NOL4: variants seen among roughly 807,000 people sequenced by gnomAD.
NOL4 encodes the protein nucleolar protein 4.
In NOL4, 17 loss-of-function variants were observed where a neutral mutation model predicts 75.9. The ratio of observed to expected loss-of-function variants is 0.22; its 90% CI spans 0.15 to 0.34. NOL4 has a LOEUF of 0.34. NOL4 is among the 10% of genes least tolerant of loss of function. The probability of loss-of-function intolerance (pLI) is 1.00; values close to 1 mark genes in which losing one functional copy is unlikely to be tolerated. For synonymous variants in NOL4, 292 were observed against 289.9 expected, an observed-to-expected ratio of 1.01 and a Z score of -0.07; for missense variants, 614 against 793.5, an observed-to-expected ratio of 0.77 and a Z score of 2.72.
Position 33,958,428 on chromosome 18 carries a change from G to C in NOL4, c.1057-10C>G. ...AACTATGTGCAGGAGACTGAAAAGA[G>C]AAGGTGAAATAACTGCTTTTAAATT... On this transcript the variant is annotated splice_polypyrimidine_tract_variant and intron_variant, in intron 6 of 10. Coordinates refer to ENST00000261592, the MANE Select transcript of NOL4 (RefSeq NM_003787.5). 6.3e-7 allele frequency: 1 copy of C among 1,588,436 alleles called. No homozygotes were observed. The highest frequency in any genetic ancestry group is 8.6e-7 in the Non-Finnish European group (1 of 1,166,176).
rs1225758505 is a variant in NOL4 at position 34,223,117 on chromosome 18, C to T, written c.137G>A (p.Ser46Asn). 1 of 1,614,196 alleles carries T rather than the reference C, an allele frequency of 6.2e-7. No homozygotes were observed. Among genetic ancestry groups the T allele is most frequent in the South Asian group, 1.1e-5 (1 of 91,086 alleles). Residue 46 changes from serine (S) to asparagine (N), a missense_variant, in exon 1 of 11, where the codon AGC becomes AAC. Ser to Asn is a conservative substitution (Grantham distance 46). This residue lies in a region of NOL4 where 35 missense variants were observed against 29.2 expected (regional missense o/e 1.20). Transcript: ENST00000261592. ...IVQLLNGSES[S>N]STDNAKFKFW... ...TTTAAATTTGGCGTTGTCCGTGGAG[C>T]TCGACTCGGAGCCATTGAGGAGCTG...
Position 33,939,741 on chromosome 18 carries a change from T to C in NOL4, c.1542+3324A>G, listed in dbSNP as rs572048560. On this transcript the variant is annotated intron_variant, in intron 9 of 10. Coordinates refer to ENST00000261592, the MANE Select transcript of NOL4 (RefSeq NM_003787.5). Reference sequence around the variant, plus strand: ...CAAAGAGACAATTTGACTTCCTCTCTTCCTATTTAAATACCCTTTCTTTCT... The same window carrying C: ...CAAAGAGACAATTTGACTTCCTCTCCTCCTATTTAAATACCCTTTCTTTCT... Among the ~76,000 whole-genome samples the C allele has an allele frequency of 3.9e-5, 6 of 152,252 alleles. No individual in the cohort carries two copies. The South Asian group carries it at 1.2e-3, about 32-fold the overall frequency.
intron 6 of NOL4, among the ~76,000 whole-genome samples, chr18:33,997,502 T>A (rs2073383544): frequency 0.01 from 1 of 96 alleles, no homozygotes; most frequent in South Asian, 0.25. Flanking sequence ...GGTGGGGTAA[T>A]GTGATCGTCT....
At chr18:33,958,454 C>A in intron 6 of NOL4, 36 bp from the exon 7 acceptor site, 2 of 1,541,892 alleles carry the variant, frequency 1.3e-6, no homozygotes, top group South Asian at 2.4e-5. Flanking sequence ...CTTTTAAATT[C>A]ATTGCACAAG....
chr18:34,218,530 C>T (rs1158905509), intron 1 of NOL4, among the ~76,000 whole-genome samples: 1 of 152,202 alleles, frequency 6.6e-6, no homozygotes, highest in Admixed American at 6.5e-5. Context: ...CTACTGGTCC[C>T]CACTGTTCCC....
intron 9 of NOL4, among the ~76,000 whole-genome samples, chr18:33,933,539 C>T (rs567475631): frequency 1.3e-5 from 2 of 152,218 alleles, no homozygotes; most frequent in South Asian, 4.1e-4. Flanking sequence ...TGTTTAATCA[C>T]CTTAGTTTAT....
chr18:34,049,747 T>C (rs1338165093), intron 5 of NOL4, among the ~76,000 whole-genome samples: 1 of 152,142 alleles, frequency 6.6e-6, no homozygotes, highest in East Asian at 1.9e-4. Context: ...TTCTCCTTTG[T>C]GGCTGAAGCA....
chr18:34,060,122 G>A (rs1218073164), intron 5 of NOL4, among the ~76,000 whole-genome samples: 1 of 152,088 alleles, frequency 6.6e-6, no homozygotes, highest in East Asian at 1.9e-4. Flanking sequence ...GCTTTTGGAT[G>A]GTTATTTTTA....
chr18:33,851,135 C>CA lies in NOL4; in HGVS notation c.*1706dup, dbSNP rs1220279720. The CA allele has an allele frequency of 6.6e-6, 1 of 152,310 alleles. No individual in the cohort carries two copies. The highest frequency in any genetic ancestry group is 1.5e-5 in the Non-Finnish European group (1 of 67,932). 9.4% of individuals were successfully genotyped at this position (152,310 alleles called of 1,614,324 possible). ...ACAGAAATCTGTTTATTAAACCAAA[C>CA]AAAACAGAGAAAATTATACCAGCCC... On this transcript the variant is annotated 3_prime_UTR_variant, in exon 11 of 11. Coordinates refer to ENST00000261592, the MANE Select transcript of NOL4 (RefSeq NM_003787.5).
At chr18:34,022,411 A>G (rs1376413973) in intron 5 of NOL4, among the ~76,000 whole-genome samples, 6 of 152,072 alleles carry the variant, frequency 3.9e-5, no homozygotes, top group Non-Finnish European at 7.4e-5. Flanking sequence ...TTCCATAGGT[A>G]TTAATCCAGG....
chr18:34,152,026 A>G (rs2081662837), intron 1 of NOL4, among the ~76,000 whole-genome samples: 1 of 151,944 alleles, frequency 6.6e-6, no homozygotes, highest in African/African-American at 2.4e-5. Context: ...ATTAAATTAA[A>G]ATATAATAAC....
At chr18:33,972,848 C>T (rs150160600) in intron 6 of NOL4, among the ~76,000 whole-genome samples, 695 of 152,302 alleles carry the variant, frequency 4.6e-3, no homozygotes, top group Non-Finnish European at 8.0e-3. Context: ...AATCATTGGA[C>T]CCTTCAGTAA....
At chr18:33,987,939 C>T (rs975361373) in intron 6 of NOL4, among the ~76,000 whole-genome samples, 3 of 152,030 alleles carry the variant, frequency 2.0e-5, no homozygotes, top group African/African-American at 7.2e-5. Context: ...GCACCCTCCC[C>T]ACTCCACATA....
chr18:34,130,170 T>C (rs1308975630), intron 1 of NOL4, 150 bp from the exon 2 acceptor site: 1 of 661,050 alleles, frequency 1.5e-6, no homozygotes, highest in East Asian at 3.3e-5. Flanking sequence ...AATATTTCAA[T>C]ATTTTATGCA....
chr18:34,213,071 G>T (rs779443763), intron 1 of NOL4, among the ~76,000 whole-genome samples: 1 of 152,052 alleles, frequency 6.6e-6, no homozygotes, highest in Non-Finnish European at 1.5e-5. Flanking sequence ...TACAAGGGTG[G>T]GGGCCATCTG....
intron 9 of NOL4, among the ~76,000 whole-genome samples, chr18:33,883,683 C>T (rs1006618527): frequency 6.6e-6 from 1 of 152,014 alleles, no homozygotes; most frequent in Admixed American, 6.6e-5. Flanking sequence ...GAAAGTTACT[C>T]ACAATAACCA....
chr18:34,085,834 A>G (rs1334463073), intron 5 of NOL4, among the ~76,000 whole-genome samples: 1 of 152,156 alleles, frequency 6.6e-6, no homozygotes, highest in Non-Finnish European at 1.5e-5. Context: ...GGAAACAGAG[A>G]ATTACTGCTT....
chr18:33,911,317 T>C (rs1240032889), intron 9 of NOL4, among the ~76,000 whole-genome samples: 2 of 152,142 alleles, frequency 1.3e-5, no homozygotes, highest in African/African-American at 2.4e-5. Context: ...TCTCTCTCTC[T>C]TTTTGTTTGG....
At chr18:34,086,004 A>G (rs2078223204) in intron 5 of NOL4, among the ~76,000 whole-genome samples, 1 of 152,136 alleles carries the variant, frequency 6.6e-6, no homozygotes, top group African/African-American at 2.4e-5. Flanking sequence ...GGTAGTTTAT[A>G]CTTCTGTAAA....
Sources: gnomAD v4.1 joint callset for allele counts (sites outside exome capture counted in the v4.1 genomes callset) on GRCh38, gnomAD v4.1.1 for gene constraint, gnomAD v4.1.1 regional missense constraint, MANE v1.5 for transcripts, NCBI Gene and HGNC (gene_info 2026-07-23, HGNC 2026-07-21) for gene names.